Variants in APBA1 observed in about 807,000 individuals in gnomAD.
The protein encoded by APBA1 is amyloid-beta A4 precursor protein-binding family A member 1.
APBA1 carries 55 observed loss-of-function variants against 86.6 expected under a neutral mutation model. The ratio of observed to expected loss-of-function variants is 0.64; its 90% CI spans 0.51 to 0.80. APBA1 has a LOEUF of 0.80. Among genes scored for constraint, APBA1 ranks in the 30% least tolerant of loss-of-function variants. The probability of loss-of-function intolerance (pLI) is 0.00; values close to 1 mark genes in which losing one functional copy is unlikely to be tolerated. For missense variants in APBA1, 1,090 were observed against 1,183.0 expected, an observed-to-expected ratio of 0.92 and a Z score of 1.15; for synonymous variants, 511 against 493.9, an observed-to-expected ratio of 1.03 and a Z score of -0.46.
intron 8 of APBA1, among the ~76,000 whole-genome samples, chr9:69,453,532 T>C (rs1835046921): frequency 6.6e-6 from 1 of 152,220 alleles, no homozygotes; most frequent in South Asian, 2.1e-4. Context: ...ACAAGGTATA[T>C]GCTATGAAAA....
At chr9:69,489,872 T>C (rs1301094271) in intron 2 of APBA1, among the ~76,000 whole-genome samples, 1 of 152,176 alleles carries the variant, frequency 6.6e-6, no homozygotes, top group Non-Finnish European at 1.5e-5. Context: ...TTTACACTGT[T>C]GGTGGGACTA....
Position 69,503,879 on chromosome 9 carries a change from C to T in APBA1, c.1200+12132G>A, listed in dbSNP as rs953513470. On this transcript the variant is annotated intron_variant, in intron 2 of 12. Coordinates refer to ENST00000265381, the MANE Select transcript of APBA1 (RefSeq NM_001163.4). ...ACCTGGAGATTCTCTCTGCTGCATT[C>T]CCAGGTTGGGTCCCCCGTTTCCTGG... Among the ~76,000 whole-genome samples, 15 of 152,130 alleles carry T rather than the reference C, an allele frequency of 9.9e-5. 1 individual carries two copies. Among genetic ancestry groups the T allele is most frequent in the Non-Finnish European group, 2.2e-4 (15 of 68,030 alleles).
intron 1 of APBA1, among the ~76,000 whole-genome samples, chr9:69,628,553 A>C (rs903432122): frequency 1.3e-5 from 2 of 152,246 alleles, no homozygotes; most frequent in Admixed American, 6.5e-5. Context: ...ATATTCAGAC[A>C]GTGACAGGCA....
At chr9:69,481,513 A>C (rs1835507745) in intron 2 of APBA1, among the ~76,000 whole-genome samples, 1 of 151,954 alleles carries the variant, frequency 6.6e-6, no homozygotes, top group South Asian at 2.1e-4. Context: ...CATGGGTAGG[A>C]AGAATCAATA....
At chr9:69,441,211 A>G in intron 10 of APBA1, 96 bp from the exon 11 acceptor site, 1 of 1,432,812 alleles carries the variant, frequency 7.0e-7, no homozygotes, top group East Asian at 2.3e-5. Context: ...AGCTGCACTG[A>G]GTCTTCCGAA....
chr9:69,637,617 G>A (rs555664706), intron 1 of APBA1, among the ~76,000 whole-genome samples: 10 of 152,292 alleles, frequency 6.6e-5, no homozygotes, highest in East Asian at 3.9e-4. Context: ...CTTCCATACC[G>A]TGGCACAGCA....
chr9:69,658,089 T>TA (rs946170044), intron 1 of APBA1, among the ~76,000 whole-genome samples: 4 of 152,182 alleles, frequency 2.6e-5, no homozygotes, highest in Non-Finnish European at 5.9e-5. Flanking sequence ...CATGTATCAC[T>TA]AGGAGCCAGC....
At chr9:69,498,727 C>A (rs187382916) in intron 2 of APBA1, among the ~76,000 whole-genome samples, 13 of 152,072 alleles carry the variant, frequency 8.5e-5, no homozygotes, top group Admixed American at 5.2e-4. Context: ...GTAAGATGCA[C>A]TTTCAACTTT....
intron 1 of APBA1, among the ~76,000 whole-genome samples, chr9:69,591,715 CTT>C (rs1468360479): frequency 6.6e-6 from 1 of 152,218 alleles, no homozygotes; most frequent in Non-Finnish European, 1.5e-5. Context: ...ACTGTTCTCT[CTT>C]TTGTCTTGTC....
At chr9:69,451,749 A>C (rs1458505244) in intron 9 of APBA1, among the ~76,000 whole-genome samples, 1 of 152,100 alleles carries the variant, frequency 6.6e-6, no homozygotes, top group Non-Finnish European at 1.5e-5. Context: ...CTGTTTGTCC[A>C]AGTGTAGTTG....
chr9:69,587,988 C>T (rs1205784643), intron 1 of APBA1, among the ~76,000 whole-genome samples: 3 of 137,730 alleles, frequency 2.2e-5, no homozygotes, highest in Admixed American at 8.1e-5. Context: ...ATTGTGCCAT[C>T]GTACTGCAGC....
Position 69,632,734 on chromosome 9 carries a change from T to C in APBA1, c.-70+39419A>G, listed in dbSNP as rs193067248. On this transcript the variant is annotated intron_variant, in intron 1 of 12. Transcript: ENST00000265381. ...ACATGAAGTCACTTGTTCATACTTA[T>C]CATTTTGCTGTATAGAACAATCCAT... 2.6e-3 allele frequency among the ~76,000 whole-genome samples: 393 copies of C among 152,298 alleles called. 1 individual carries two copies. Among genetic ancestry groups the C allele is most frequent in the African/African-American group, 8.9e-3 (369 of 41,570 alleles).
intron 1 of APBA1, among the ~76,000 whole-genome samples, chr9:69,581,085 C>T (rs763315226): frequency 3.9e-5 from 6 of 152,110 alleles, no homozygotes; most frequent in Non-Finnish European, 7.4e-5. Flanking sequence ...ACCCCACAAA[C>T]GGCGTCATCT....
intron 1 of APBA1, among the ~76,000 whole-genome samples, chr9:69,562,720 TA>T (rs1463354350): frequency 6.6e-6 from 1 of 151,898 alleles, no homozygotes; most frequent in Admixed American, 6.6e-5. Context: ...ATTTAAGGAT[TA>T]AAAAAAAGAA....
At chr9:69,626,404 G>C (rs1822931874) in intron 1 of APBA1, among the ~76,000 whole-genome samples, 1 of 152,094 alleles carries the variant, frequency 6.6e-6, no homozygotes. Flanking sequence ...TTTAAAGGAT[G>C]ATATAAAAGC....
At chr9:69,593,822 A>T (rs573367302) in intron 1 of APBA1, among the ~76,000 whole-genome samples, 18 of 152,340 alleles carry the variant, frequency 1.2e-4, no homozygotes, top group African/African-American at 3.8e-4. Context: ...ACCTTTTATT[A>T]GCGTTTTTCA....
At chr9:69,639,474 C>T (rs916443058) in intron 1 of APBA1, among the ~76,000 whole-genome samples, 1 of 152,156 alleles carries the variant, frequency 6.6e-6, no homozygotes, top group Non-Finnish European at 1.5e-5. Flanking sequence ...CCTGGAACAT[C>T]TCATCACACC....
intron 2 of APBA1, among the ~76,000 whole-genome samples, chr9:69,497,480 A>C (rs910119336): frequency 4.6e-5 from 7 of 152,148 alleles, no homozygotes; most frequent in African/African-American, 1.4e-4. Flanking sequence ...GAGGCTGCAC[A>C]AGGGTTGAAG....
chr9:69,499,686 G>T (rs1835852743), intron 2 of APBA1, among the ~76,000 whole-genome samples: 1 of 150,212 alleles, frequency 6.7e-6, no homozygotes, highest in Non-Finnish European at 1.5e-5. Flanking sequence ...AAAAATCCAT[G>T]TCGGTGGCAT....
Sources: gnomAD v4.1 joint callset for allele counts (sites outside exome capture counted in the v4.1 genomes callset) on GRCh38, gnomAD v4.1.1 for gene constraint, MANE v1.5 for transcripts, NCBI Gene and HGNC (gene_info 2026-07-23, HGNC 2026-07-21) for gene names.